Variants in MAP3K13 observed in about 807,000 individuals in gnomAD.
MAP3K13 encodes leucine zipper-bearing kinase.
In MAP3K13, 52 loss-of-function variants were observed where a neutral mutation model predicts 104.0. That is an observed-to-expected ratio of 0.50 (90% CI 0.40 to 0.63). The LOEUF (loss-of-function observed/expected upper bound fraction) is 0.63, where lower values mean the gene tolerates loss of function less well. MAP3K13 is among the 20% of genes least tolerant of loss of function. The pLI, the probability that MAP3K13 is intolerant of heterozygous loss-of-function variation, is 0.00. For synonymous variants in MAP3K13, 394 were observed against 442.2 expected, an observed-to-expected ratio of 0.89 and a Z score of 1.37; for missense variants, 914 against 1,218.5, an observed-to-expected ratio of 0.75 and a Z score of 3.72.
Position 185,450,092 on chromosome 3 carries a change from C to A in MAP3K13, c.1169+34C>A, listed in dbSNP as rs1355763717. ...ATTGTCTCTAAAACAATAGGGAGGTCTCTAATGTGTATTTGGAGTAAATAT... is the reference window on the plus strand; with the variant it reads ...ATTGTCTCTAAAACAATAGGGAGGTATCTAATGTGTATTTGGAGTAAATAT... On this transcript the variant is annotated intron_variant, in intron 6 of 13. Coordinates refer to ENST00000265026, the MANE Select transcript of MAP3K13 (RefSeq NM_004721.5). This position sits in a 1 kb window ranked among gnomAD's most constrained non-coding sequence, Gnocchi z 4.2. The A allele has an allele frequency of 1.9e-6, 3 of 1,551,342 alleles. No individual in the cohort carries two copies. The highest frequency in any genetic ancestry group is 2.4e-5 in the South Asian group (2 of 81,894).
rs145076357 is a variant in MAP3K13, at chr3:185,466,923, A to C, written c.1603A>C (p.Arg535=). The change falls in exon 10 of 14, where the codon AGG becomes CGG. Residue 535 remains arginine, a synonymous_variant. Coordinates refer to ENST00000265026, the MANE Select transcript of MAP3K13 (RefSeq NM_004721.5). Reference sequence around the variant, plus strand: ...CAATGCCATGGAGAAACTCATGAAAAGGAAAGGAGTGCCTCACAAATCTGG... The same window carrying C: ...CAATGCCATGGAGAAACTCATGAAACGGAAAGGAGTGCCTCACAAATCTGG... ...HPNAMEKLMK[R]KGVPHKSGMQ... 1.7e-4 allele frequency: 282 copies of C among 1,613,976 alleles called. No individual in the cohort carries two copies. In the African/African-American group the frequency reaches 3.6e-3, roughly 21 times the overall value.
intron 2 of MAP3K13, among the ~76,000 whole-genome samples, chr3:185,347,953 A>G (rs1035740799): frequency 6.6e-6 from 1 of 150,622 alleles, no homozygotes; most frequent in African/African-American, 2.5e-5. Flanking sequence ...CGGCGGTTGC[A>G]GTGAGCCGAG....
At chr3:185,424,186 C>T (rs541143258) in intron 1 of MAP3K13, among the ~76,000 whole-genome samples, 1 of 152,298 alleles carries the variant, frequency 6.6e-6, no homozygotes, top group South Asian at 2.1e-4. Flanking sequence ...GCTCTGTGAC[C>T]TTTAGCATCT....
intron 3 of MAP3K13, among the ~76,000 whole-genome samples, chr3:185,438,183 C>G (rs1407439734): frequency 6.6e-6 from 1 of 151,762 alleles, no homozygotes; most frequent in Non-Finnish European, 1.5e-5. Flanking sequence ...GTAGTCCTAC[C>G]TACTTAAGAG....
At chr3:185,298,067 A>G (rs1720981476) in intron 2 of MAP3K13, among the ~76,000 whole-genome samples, 1 of 152,060 alleles carries the variant, frequency 6.6e-6, no homozygotes, top group Non-Finnish European at 1.5e-5. Context: ...CAGGCCTTTC[A>G]GTAAACTCTG....
chr3:185,368,403 A>T (rs1723992787), intron 1 of MAP3K13, among the ~76,000 whole-genome samples: 1 of 152,196 alleles, frequency 6.6e-6, no homozygotes, highest in Non-Finnish European at 1.5e-5. Flanking sequence ...TCCAGCATGA[A>T]TTTAAAATCT....
At chr3:185,378,141 T>A (rs1724528252) in intron 1 of MAP3K13, among the ~76,000 whole-genome samples, 1 of 152,248 alleles carries the variant, frequency 6.6e-6, no homozygotes, top group Non-Finnish European at 1.5e-5. Flanking sequence ...GCTACTTGGC[T>A]GCCTCTACTC....
At chr3:185,454,339 TATATGAG>T (rs1716126976) in intron 7 of MAP3K13, among the ~76,000 whole-genome samples, 1 of 52,986 alleles carries the variant, frequency 1.9e-5, no homozygotes, top group Admixed American at 2.7e-4. Context: ...ATATATGATA[TATATGAG>T]ATATATGAGA....
intron 2 of MAP3K13, among the ~76,000 whole-genome samples, chr3:185,330,474 C>T (rs1175231036): frequency 3.3e-5 from 5 of 152,186 alleles, no homozygotes; most frequent in African/African-American, 4.8e-5. Context: ...TTCTGAATCT[C>T]GTGATTCTAG....
intron 1 of MAP3K13, among the ~76,000 whole-genome samples, chr3:185,414,882 G>T (rs1713656758): frequency 6.6e-6 from 1 of 152,056 alleles, no homozygotes; most frequent in Admixed American, 6.6e-5. Flanking sequence ...CATTCAGAAA[G>T]ATTTTTTGGC....
At chr3:185,288,437 A>AT (rs1205697428) in intron 2 of MAP3K13, among the ~76,000 whole-genome samples, 7 of 150,450 alleles carry the variant, frequency 4.7e-5, no homozygotes, top group African/African-American at 1.7e-4. Flanking sequence ...ATTCCAGAAA[A>AT]ATATATATAA....
intron 2 of MAP3K13, among the ~76,000 whole-genome samples, chr3:185,345,323 A>G (rs1421746552): frequency 6.6e-6 from 1 of 152,152 alleles, no homozygotes; most frequent in Non-Finnish European, 1.5e-5. Flanking sequence ...CTCAATGTAT[A>G]TCTCAGCCAT....
intron 2 of MAP3K13, among the ~76,000 whole-genome samples, chr3:185,308,691 C>T (rs1000172736): frequency 6.6e-6 from 1 of 152,168 alleles, no homozygotes; most frequent in Non-Finnish European, 1.5e-5. Flanking sequence ...TGGACAGTAA[C>T]CATTCCCTTG....
chr3:185,387,996 A>G (rs1025914690), intron 1 of MAP3K13, among the ~76,000 whole-genome samples: 5 of 152,162 alleles, frequency 3.3e-5, no homozygotes, highest in African/African-American at 1.2e-4. Context: ...CATACATGAG[A>G]CAAGAACTTA....
chr3:185,400,662 A>G lies in MAP3K13; in HGVS notation c.-85-27835A>G, dbSNP rs960595096. 3.3e-5 allele frequency among the ~76,000 whole-genome samples: 5 copies of G among 152,360 alleles called. No homozygotes were observed. In the East Asian group the frequency reaches 7.7e-4, roughly 23 times the overall value. ...GGTGAGAACTGATGTGAGGACGTCT[A>G]TAAAAGTCCTTGAATATTTTCAAAG... On this transcript the variant is annotated intron_variant, in intron 1 of 13. Transcript: ENST00000265026.
intron 4 of MAP3K13, among the ~76,000 whole-genome samples, chr3:185,447,101 G>A (rs1217001624): frequency 6.6e-6 from 1 of 151,984 alleles, no homozygotes; most frequent in Non-Finnish European, 1.5e-5. Flanking sequence ...TTATACATGT[G>A]AAAAAAATAT....
intron 5 of MAP3K13, 45 bp from the exon 6 acceptor site, chr3:185,449,855 G>A: frequency 3.3e-6 from 5 of 1,512,748 alleles, no homozygotes; most frequent in Non-Finnish European, 4.4e-6. Context: ...ATACAAATCA[G>A]TCTTTCTGAA....
chr3:185,455,702 TGAGATATATATGA>T (rs1716625608), intron 7 of MAP3K13, among the ~76,000 whole-genome samples: 1 of 13,950 alleles, frequency 7.2e-5, no homozygotes, highest in African/African-American at 1.3e-4. Context: ...GATATATATA[TGAGATATATATGA>T]GATATATATG....
intron 1 of MAP3K13, among the ~76,000 whole-genome samples, chr3:185,396,820 C>T (rs989407122): frequency 6.6e-6 from 1 of 152,136 alleles, no homozygotes; most frequent in Non-Finnish European, 1.5e-5. Context: ...ACCCTATGTG[C>T]TCAGTCTGGA....
Sources: gnomAD v4.1 joint callset for allele counts (sites outside exome capture counted in the v4.1 genomes callset) on GRCh38, gnomAD v4.1.1 for gene constraint, Gnocchi (gnomAD v3.1) non-coding constraint, MANE v1.5 for transcripts, NCBI Gene and HGNC (gene_info 2026-07-23, HGNC 2026-07-21) for gene names.